The following ERC1 variants were observed in gnomAD, a reference collection of about 807,000 sequenced individuals.
ERC1 encodes RAB6 interacting protein 2.
Under a neutral mutation model 132.0 loss-of-function variants are expected in ERC1, and 56 were observed. The observed-to-expected ratio is 0.42, with a 90% CI of 0.34 to 0.53. The LOEUF (loss-of-function observed/expected upper bound fraction) is 0.53. Ranked by LOEUF, ERC1 falls within the 20% of genes least tolerant of loss-of-function variation. The pLI is 0.03. For synonymous variants in ERC1, 478 were observed against 476.1 expected (o/e 1.00, Z -0.05); for missense variants, 1,202 against 1,349.9 (o/e 0.89, Z 1.72).
At chr12:1,153,993 C>T (rs1951075049) in intron 8 of ERC1, among the ~76,000 whole-genome samples, 1 of 152,058 alleles carries the variant, frequency 6.6e-6, no homozygotes. Context: ...CCCTGCCTGC[C>T]TCCCCCTGCT....
At chr12:1,430,707 G>A (rs2092771002) in intron 17 of ERC1, 1 of 152,304 alleles carries the variant, frequency 6.6e-6, no homozygotes, top group African/African-American at 2.4e-5. Context: ...ATTACTATGG[G>A]ATGTCAGAGA....
chr12:1,292,293 T>G (rs1210702253), intron 15 of ERC1, among the ~76,000 whole-genome samples: 1 of 152,164 alleles, frequency 6.6e-6, no homozygotes, highest in African/African-American at 2.4e-5. Context: ...CATTGAGAGT[T>G]TAGAGCTATT....
chr12:1,213,983 C>T (rs1958133538), intron 12 of ERC1, among the ~76,000 whole-genome samples: 1 of 152,026 alleles, frequency 6.6e-6, no homozygotes, highest in Non-Finnish European at 1.5e-5. Context: ...AGGGTACTTA[C>T]ATCATTGGAT....
At position 1,003,998 on chromosome 12, in the gene ERC1, G is replaced by T. The variant is rs376180297; in HGVS notation, c.-157+12676G>T. Among the ~76,000 whole-genome samples the T allele has an allele frequency of 6.6e-5, 10 of 152,316 alleles. No individual in the cohort carries two copies. The East Asian group carries it at 1.5e-3, about 23-fold the overall frequency. On this transcript the variant is annotated intron_variant, in intron 1 of 18. Transcript: ENST00000360905. ...GGGCTGAAGGTTCAATGCCTTGTCA[G>T]AACCCAGGATGCCATGAGAAACTGT...
intron 15 of ERC1, among the ~76,000 whole-genome samples, chr12:1,363,899 C>T (rs1266065913): frequency 6.6e-6 from 1 of 152,130 alleles, no homozygotes. Context: ...TCCCTTGTTT[C>T]AGGAGATAGA....
chr12:1,115,852 T>A lies in ERC1; in HGVS notation c.1402-14T>A, dbSNP rs202204397. ...TATTTCTTTTTTCCTTAAAGTGTTT[T>A]ACTTCTTTTCTAGATTGGCCAGGTG... On this transcript the variant is annotated splice_polypyrimidine_tract_variant and intron_variant, in intron 6 of 18. Coordinates refer to ENST00000360905, the MANE Select transcript of ERC1 (RefSeq NM_178040.4). 3.5e-5 allele frequency: 57 copies of A among 1,609,870 alleles called. No individual in the cohort carries two copies. In the East Asian group the frequency reaches 5.6e-4, roughly 16 times the overall value.
At chr12:1,219,610 C>G (rs1958770001) in intron 12 of ERC1, among the ~76,000 whole-genome samples, 1 of 150,802 alleles carries the variant, frequency 6.6e-6, no homozygotes, top group Non-Finnish European at 1.5e-5. Context: ...CTAGTCCCAT[C>G]TCTGTAGCAA....
At position 1,168,541 on chromosome 12, in the gene ERC1, A is replaced by G. The variant is rs907102369; in HGVS notation, c.1738-11999A>G. Reference sequence around the variant, plus strand: ...CTTTTGTCGCCTAGGCTGGAGTGCAATGGCGCAATCTTAGCTCACTGCAAC... The same window carrying G: ...CTTTTGTCGCCTAGGCTGGAGTGCAGTGGCGCAATCTTAGCTCACTGCAAC... On this transcript the variant is annotated intron_variant, in intron 8 of 18. Transcript: ENST00000360905. Among the ~76,000 whole-genome samples, 7 of 145,254 alleles carry G rather than the reference A, an allele frequency of 4.8e-5. No individual in the cohort carries two copies. The East Asian group carries it at 6.0e-4, about 12-fold the overall frequency.
intron 8 of ERC1, among the ~76,000 whole-genome samples, chr12:1,168,657 TTG>T (rs1952718294): frequency 6.6e-6 from 1 of 151,932 alleles, no homozygotes. Context: ...GCTAATTTTT[TTG>T]TATTTTTAGT....
rs117334339 is a variant in ERC1 at position 1,293,013 on chromosome 12, C to T, written c.2780+3001C>T. Among the ~76,000 whole-genome samples, 81 of 151,678 alleles carry T rather than the reference C, an allele frequency of 5.3e-4. 1 individual carries two copies. The East Asian group carries it at 0.012, about 22-fold the overall frequency. The stretch of plus-strand genomic sequence containing the variant: ...TACAAAAATTAGCTGGGTGTGGTGG[C>T]GCACACTGTAATCCCAGCTACTCTG... On this transcript the variant is annotated intron_variant, in intron 15 of 18. Coordinates refer to ENST00000360905, the MANE Select transcript of ERC1 (RefSeq NM_178040.4).
rs3216970 is a variant in ERC1, at chr12:1,180,253, A to ATGTGTGTGTG, written c.1738-266_1738-257dup. 1.0e-3 allele frequency among the ~76,000 whole-genome samples: 153 copies of ATGTGTGTGTG among 146,698 alleles called. 2 individuals carry two copies. Among genetic ancestry groups the ATGTGTGTGTG allele is most frequent in the African/African-American group, 3.3e-3 (133 of 40,068 alleles). On this transcript the variant is annotated intron_variant, in intron 8 of 18. Transcript: ENST00000360905. Reference sequence around the variant, plus strand: ...AGCTACTTTTCTTATTTTGTTAGGGATGTGTGTGTGTGTGTGTGTGTGTGT... The same window carrying ATGTGTGTGTG: ...AGCTACTTTTCTTATTTTGTTAGGGATGTGTGTGTGTGTGTGTGTGTGTGTGTGTGTGTGT...
intron 16 of ERC1, among the ~76,000 whole-genome samples, chr12:1,383,674 G>A (rs929969297): frequency 1.3e-5 from 2 of 152,162 alleles, no homozygotes; most frequent in Non-Finnish European, 2.9e-5. Context: ...AATGATATTT[G>A]CATTCAAGGA....
intron 7 of ERC1, among the ~76,000 whole-genome samples, chr12:1,134,821 C>T (rs149044104): frequency 0.011 from 1,596 of 151,402 alleles, 15 homozygotes; most frequent in Middle Eastern, 0.051. Context: ...CTCCGCCTCC[C>T]GGGTTCAAGT....
intron 15 of ERC1, among the ~76,000 whole-genome samples, chr12:1,334,663 G>T (rs111971077): frequency 2.0e-5 from 3 of 152,166 alleles, no homozygotes; most frequent in Admixed American, 6.5e-5. Flanking sequence ...GTCAGGTAGC[G>T]TGATGCCTCC....
rs1291137510 is a variant in ERC1, at chr12:1,141,800, T to C, written c.1737+13T>C. ...TCTTCAGAAGAAGGTAAGGTACAGGTGTTTCGAGTTCAGTGGCCCATTCCT... is the reference window on the plus strand; with the variant it reads ...TCTTCAGAAGAAGGTAAGGTACAGGCGTTTCGAGTTCAGTGGCCCATTCCT... On this transcript the variant is annotated intron_variant, in intron 8 of 18. Transcript: ENST00000360905. The C allele has an allele frequency of 3.9e-6, 6 of 1,547,626 alleles. No homozygotes were observed. The highest frequency in any genetic ancestry group is 4.4e-6 in the Non-Finnish European group (5 of 1,145,080).
upstream of ERC1, chr12:990,467 C>T (rs1380240129): frequency 6.6e-6 from 1 of 152,168 alleles, no homozygotes; most frequent in Non-Finnish European, 1.5e-5. Flanking sequence ...CTGTCGGAGG[C>T]TAAATAAACA....
At chr12:1,035,799 G>A (rs1376405378) in intron 2 of ERC1, among the ~76,000 whole-genome samples, 2 of 152,020 alleles carry the variant, frequency 1.3e-5, no homozygotes, top group Non-Finnish European at 2.9e-5. Flanking sequence ...GCGGGCACCT[G>A]TAGTCCCAGC....
chr12:1,073,037 C>T (rs919192007), intron 2 of ERC1, among the ~76,000 whole-genome samples: 7 of 152,024 alleles, frequency 4.6e-5, no homozygotes, highest in African/African-American at 1.4e-4. Context: ...TGCGGTGGCT[C>T]ATGCCTGTAA....
chr12:1,138,489 T>A (rs975659111), intron 7 of ERC1, among the ~76,000 whole-genome samples: 1 of 150,924 alleles, frequency 6.6e-6, no homozygotes, highest in Admixed American at 6.7e-5. Context: ...TTAAATTCTA[T>A]TACAAAATAC....
Sources: allele counts gnomAD v4.1 joint callset (sites outside exome capture counted in the v4.1 genomes callset), GRCh38; gene constraint gnomAD v4.1.1; transcripts MANE v1.5; gene names NCBI Gene and HGNC (gene_info 2026-07-23, HGNC 2026-07-21).